DOCK8: variants seen among roughly 807,000 people sequenced by gnomAD.
DOCK8 encodes the protein dedicator of cytokinesis protein 8.
DOCK8 carries 141 observed loss-of-function variants against 245.6 expected under a neutral mutation model. The observed-to-expected ratio is 0.57, with a 90% CI of 0.50 to 0.66. The LOEUF is 0.66. Ranked by LOEUF, DOCK8 falls within the 30% of genes least tolerant of loss-of-function variation. The probability of loss-of-function intolerance (pLI) is 0.00; values close to 1 mark genes in which losing one functional copy is unlikely to be tolerated. For synonymous variants in DOCK8, 1,168 were observed against 970.2 expected, an observed-to-expected ratio of 1.20 and a Z score of -3.79; for missense variants, 2,965 against 2,603.4, an observed-to-expected ratio of 1.14 and a Z score of -3.02.
At chr9:285,298 G>GAA (rs2048772678) in intron 2 of DOCK8, among the ~76,000 whole-genome samples, 1 of 152,110 alleles carries the variant, frequency 6.6e-6, no homozygotes, top group Non-Finnish European at 1.5e-5. Flanking sequence ...TCTCCAGCTT[G>GAA]AAGCCCTTAC....
At chr9:259,720 A>G (rs2047870063) in intron 1 of DOCK8, among the ~76,000 whole-genome samples, 1 of 152,242 alleles carries the variant, frequency 6.6e-6, no homozygotes, top group Non-Finnish European at 1.5e-5. Context: ...ATAATCAGTA[A>G]GTTCTTCTTA....
chr9:439,649 A>G (rs1384363409), intron 40 of DOCK8, among the ~76,000 whole-genome samples: 2 of 152,194 alleles, frequency 1.3e-5, no homozygotes, highest in Non-Finnish European at 1.5e-5. Flanking sequence ...GCAGTTTCAC[A>G]GTATTATTTC....
At chr9:456,636 C>T (rs962047195) in intron 46 of DOCK8, 3 of 152,212 alleles carry the variant, frequency 2.0e-5, no homozygotes, top group African/African-American at 7.2e-5. Context: ...AGCCAGTACT[C>T]ATCCAGCCAG....
intron 5 of DOCK8, among the ~76,000 whole-genome samples, chr9:308,966 C>G (rs1285467458): frequency 6.6e-6 from 1 of 152,160 alleles, no homozygotes; most frequent in African/African-American, 2.4e-5. Context: ...CAGGTTCTTT[C>G]TTTTAATGGC....
At chr9:316,595 C>G (rs1240253581) in intron 6 of DOCK8, among the ~76,000 whole-genome samples, 1 of 151,348 alleles carries the variant, frequency 6.6e-6, no homozygotes, top group East Asian at 1.9e-4. Flanking sequence ...CAATGGTTTA[C>G]AGCCTTAAGT....
chr9:356,911 A>G (rs1232432925), intron 14 of DOCK8, among the ~76,000 whole-genome samples: 1 of 150,054 alleles, frequency 6.7e-6, no homozygotes, highest in Non-Finnish European at 1.5e-5. Context: ...CGGGGAGAGA[A>G]TTTTTTTTTT....
At position 390,512 on chromosome 9, in the gene DOCK8, C is replaced by G. The variant is rs2297075; in HGVS notation, c.2916C>G (p.Thr972=). 5 of 1,613,854 alleles carry G rather than the reference C, an allele frequency of 3.1e-6. No individual in the cohort carries two copies. The African/African-American group carries it at 6.7e-5, about 22-fold the overall frequency. ...EELALQMVVS[T]GMVRETVFKY... ...TTGCCCTTCAGATGGTGGTCAGCAC[C>G]GGAATGGTGAGAGAAACAGTCTTCA... is the stretch of plus-strand genomic sequence containing the variant. Residue 972 remains threonine, a synonymous_variant, in exon 24 of 48, where the codon ACC becomes ACG. Coordinates refer to ENST00000432829, the MANE Select transcript of DOCK8 (RefSeq NM_203447.4).
chr9:220,026 C>T (rs896421084), intron 1 of DOCK8, among the ~76,000 whole-genome samples: 2 of 152,164 alleles, frequency 1.3e-5, no homozygotes, highest in East Asian at 3.8e-4. Flanking sequence ...TATATGTATT[C>T]AAATGTATAG....
At chr9:332,864 C>G (rs2051090003) in intron 10 of DOCK8, among the ~76,000 whole-genome samples, 2 of 151,826 alleles carry the variant, frequency 1.3e-5, no homozygotes, top group South Asian at 4.2e-4. Context: ...CACTGTGTTG[C>G]CCAGGCTGCT....
chr9:282,916 A>C lies in DOCK8; in HGVS notation c.157-3545A>C, dbSNP rs183681936. On this transcript the variant is annotated intron_variant, in intron 2 of 47. Transcript: ENST00000432829. The stretch of plus-strand genomic sequence containing the variant: ...TCCTTGAGTAATTGATATTCTTCAC[A>C]ATAAGTTTACATTTATTATCACTTT... Among the ~76,000 whole-genome samples, 501 of 152,302 alleles carry C rather than the reference A, an allele frequency of 3.3e-3. 1 individual carries two copies. The highest frequency in any genetic ancestry group is 0.012 in the African/African-American group (486 of 41,556).
chr9:396,717 C>T, intron 24 of DOCK8, 68 bp from the exon 25 acceptor site: 1 of 1,595,332 alleles, frequency 6.3e-7, no homozygotes, highest in South Asian at 1.1e-5. Flanking sequence ...GAGTCTTTCC[C>T]CCTTTTCTGC....
chr9:247,456 T>A (rs946896038), intron 1 of DOCK8, among the ~76,000 whole-genome samples: 1 of 152,198 alleles, frequency 6.6e-6, no homozygotes, highest in Non-Finnish European at 1.5e-5. Flanking sequence ...ATATTCAAAC[T>A]AGTTTTTTTT....
intron 1 of DOCK8, among the ~76,000 whole-genome samples, chr9:232,014 A>G (rs1754680666): frequency 1.3e-5 from 2 of 152,164 alleles, no homozygotes; most frequent in Admixed American, 1.3e-4. Context: ...CCCATTCAAT[A>G]TGATATTGGC....
At chr9:265,035 G>A (rs1050524773) in intron 1 of DOCK8, among the ~76,000 whole-genome samples, 3 of 152,222 alleles carry the variant, frequency 2.0e-5, no homozygotes, top group Middle Eastern at 3.4e-3. Context: ...AGGTTCAAGC[G>A]ATTCTCCTGC....
upstream of DOCK8, chr9:214,656 C>G: frequency 6.2e-7 from 1 of 1,607,172 alleles, no homozygotes; most frequent in Non-Finnish European, 8.5e-7. Context: ...GCGCTCCCTT[C>G]GGCCGGAGGT....
At chr9:328,288 T>A in intron 9 of DOCK8, 117 bp downstream of exon 9, 1 of 1,331,874 alleles carries the variant, frequency 7.5e-7, no homozygotes. Flanking sequence ...TGAGATTCAC[T>A]TTGTTTCCTT....
chr9:351,844 G>T (rs1389792076), intron 14 of DOCK8, among the ~76,000 whole-genome samples: 5 of 152,182 alleles, frequency 3.3e-5, no homozygotes, highest in Non-Finnish European at 7.3e-5. Context: ...TGTAAACCCT[G>T]CATTTTTGCA....
chr9:341,287 G>C (rs1043572759), intron 14 of DOCK8, among the ~76,000 whole-genome samples: 12 of 152,240 alleles, frequency 7.9e-5, no homozygotes, highest in African/African-American at 2.9e-4. Flanking sequence ...CTTGGTTTCT[G>C]AATCGCTTAT....
intron 29 of DOCK8, among the ~76,000 whole-genome samples, chr9:417,468 C>T (rs1376440891): frequency 6.6e-6 from 1 of 152,134 alleles, no homozygotes; most frequent in East Asian, 1.9e-4. Flanking sequence ...GAATGTTTTA[C>T]CACACTTTTC....
Sources: gnomAD v4.1 joint callset for allele counts (sites outside exome capture counted in the v4.1 genomes callset) on GRCh38, gnomAD v4.1.1 for gene constraint, MANE v1.5 for transcripts, NCBI Gene and HGNC (gene_info 2026-07-23, HGNC 2026-07-21) for gene names.